The following KMT2C variants were observed in gnomAD, a reference collection of about 807,000 sequenced individuals.
KMT2C encodes lysine methyltransferase 2C, also known as histone-lysine N-methyltransferase 2C.
A neutral mutation model predicts 507.9 loss-of-function variants in KMT2C; 88 were observed. The ratio of observed to expected loss-of-function variants is 0.17; its 90% CI spans 0.15 to 0.21. The LOEUF (loss-of-function observed/expected upper bound fraction) is 0.21, where lower values mean the gene tolerates loss of function less well. KMT2C is among the 10% of genes least tolerant of loss of function. The pLI is 1.00. For synonymous variants in KMT2C, 2,049 were observed against 2,080.8 expected (o/e 0.98, Z 0.42); for missense variants, 4,954 against 5,957.8 (o/e 0.83, Z 5.55).
At chr7:152,341,677 A>AAGT (rs1344976578) in intron 2 of KMT2C, among the ~76,000 whole-genome samples, 6 of 152,200 alleles carry the variant, frequency 3.9e-5, no homozygotes. Flanking sequence ...TAATATACTA[A>AAGT]AGTTAGGGAA....
In KMT2C at chr7:152,251,927, T is replaced by C; in HGVS notation, c.1621+12A>G. The stretch of plus-strand genomic sequence containing the variant: ...AACAAAAAATTTAAAAAAAAATCAT[T>C]CTCAAATTTACCTGTAGTGAGCTCA... On this transcript the variant is annotated intron_variant, in intron 11 of 58. Coordinates refer to ENST00000262189, the MANE Select transcript of KMT2C (RefSeq NM_170606.3). 6.4e-7 allele frequency: 1 copy of C among 1,560,054 alleles called. No individual in the cohort carries two copies. Among genetic ancestry groups the C allele is most frequent in the Non-Finnish European group, 8.7e-7 (1 of 1,154,194 alleles).
rs2129097437 is a variant in KMT2C at position 152,152,717 on chromosome 7, G to A, written c.12514C>T (p.Pro4172Ser). The A allele has an allele frequency of 1.2e-6, 2 of 1,614,006 alleles. No homozygotes were observed. Among genetic ancestry groups the A allele is most frequent in the South Asian group, 1.1e-5 (1 of 91,060 alleles). Residue 4172 changes from proline (P) to serine (S), a missense_variant, in exon 49 of 59, where the codon CCA becomes TCA. Physicochemically the swap from Pro to Ser is moderately conservative, Grantham distance 74 (BLOSUM62 -1). Transcript: ENST00000262189. ...RLKQPNVPFP[P>S]TSNGLSGYKD... Reference sequence around the variant, plus strand: ...CTCACTAGCTCACCATTGCTTGTTGGAGGAAATGGTACATTAGGCTGCTTC... The same window carrying A: ...CTCACTAGCTCACCATTGCTTGTTGAAGGAAATGGTACATTAGGCTGCTTC...
At chr7:152,207,189 A>G in intron 24 of KMT2C, 111 bp downstream of exon 24, 1 of 1,050,676 alleles carries the variant, frequency 9.5e-7, no homozygotes, top group Middle Eastern at 2.4e-4. Context: ...ATTTTTGTTT[A>G]GACAGTTCTG....
rs2090985295 is a variant in KMT2C at position 152,145,250 on chromosome 7, G to C, written c.14077C>G (p.Arg4693Gly). Residue 4693 changes from arginine to glycine, a missense_variant, in exon 54 of 59, where the codon CGA (arginine) becomes GGA (glycine). Physicochemically the swap from Arg to Gly is moderately radical, Grantham distance 125. Coordinates refer to ENST00000262189, the MANE Select transcript of KMT2C (RefSeq NM_170606.3). ...AGAGGAAGTTCCATGAGAGGATTTC[G>C]GCCGTATCGGAAGGTATAATTTTCA... ...ACENYTFRYGRNPLMELPLAV... is the reference protein window; with the variant it reads ...ACENYTFRYGGNPLMELPLAV... 1 of 1,614,134 alleles carries C rather than the reference G, an allele frequency of 6.2e-7. No homozygotes were observed. Among genetic ancestry groups the C allele is most frequent in the Non-Finnish European group, 8.5e-7 (1 of 1,180,008 alleles).
At chr7:152,327,301 G>A (rs2096837884) in intron 3 of KMT2C, among the ~76,000 whole-genome samples, 5 of 152,132 alleles carry the variant, frequency 3.3e-5, no homozygotes, top group Admixed American at 3.3e-4. Context: ...CTCTGTACAA[G>A]TATTAGATGA....
intron 3 of KMT2C, among the ~76,000 whole-genome samples, chr7:152,318,251 A>G (rs2096739887): frequency 1.3e-5 from 2 of 152,176 alleles, no homozygotes; most frequent in Admixed American, 1.3e-4. Context: ...ACCACCAATT[A>G]AAAGGCAAAA....
rs1491223478 is a variant in KMT2C at position 152,331,667 on chromosome 7, T to TG, written c.251-929dup. ...ATTTTTTTTTTTTTTTTTTTTTTTT[T>TG]GATGGAGTCTCGCTCTGTCCACCCA... On this transcript the variant is annotated intron_variant, in intron 2 of 58. Transcript: ENST00000262189. Among the ~76,000 whole-genome samples, 5 of 130,318 alleles carry TG rather than the reference T, an allele frequency of 3.8e-5. No individual in the cohort carries two copies. In the East Asian group the frequency reaches 8.2e-4, roughly 21 times the overall value. 85.5% of individuals were successfully genotyped at this position (130,318 alleles called of 152,430 possible). A position where few individuals can be genotyped will look rare whatever the true frequency, so the allele number is the denominator to read the frequency against.
At chr7:152,428,653 TAAA>T (rs1192886199) in intron 1 of KMT2C, among the ~76,000 whole-genome samples, 2 of 151,330 alleles carry the variant, frequency 1.3e-5, no homozygotes, top group Non-Finnish European at 2.9e-5. Flanking sequence ...AAAAAAATCA[TAAA>T]AATCCAAATT....
chr7:152,430,717 G>C (rs1249215124), intron 1 of KMT2C, among the ~76,000 whole-genome samples: 1 of 152,110 alleles, frequency 6.6e-6, no homozygotes, highest in African/African-American at 2.4e-5. Context: ...TAGAGACAAG[G>C]CCTCACTTTG....
intron 29 of KMT2C, 64 bp downstream of exon 29, chr7:152,194,376 A>C (rs751486774): frequency 7.2e-5 from 110 of 1,524,360 alleles, no homozygotes; most frequent in Admixed American, 1.9e-4. Flanking sequence ...ACCATGCAAA[A>C]ATCTTTAAAA....
intron 1 of KMT2C, among the ~76,000 whole-genome samples, chr7:152,401,822 G>A (rs1462680407): frequency 2.0e-5 from 3 of 152,308 alleles, no homozygotes; most frequent in African/African-American, 4.8e-5. Context: ...GTAAAAAGAA[G>A]AGTTGCAGCC....
chr7:152,163,668 G>A lies in KMT2C; in HGVS notation c.9909C>T (p.Thr3303=). The A allele has an allele frequency of 6.2e-7, 1 of 1,613,810 alleles. No homozygotes were observed. Among genetic ancestry groups the A allele is most frequent in the Admixed American group, 1.7e-5 (1 of 60,008 alleles). ...GATPPTMSQP[T]FPMVPQQLQH... ...GAAGCTGCTGTGGCACCATGGGAAAGGTGGGTTGGCTCATGGTGGGTGGAG... is the reference window on the plus strand; with the variant it reads ...GAAGCTGCTGTGGCACCATGGGAAAAGTGGGTTGGCTCATGGTGGGTGGAG... Residue 3303 remains threonine, a synonymous_variant, in exon 43 of 59, where the codon ACC becomes ACT. Transcript: ENST00000262189.
rs752636504 is a variant in KMT2C, at chr7:152,148,999, G to A, written c.12928C>T (p.Pro4310Ser). 2.6e-6 allele frequency: 4 copies of A among 1,566,686 alleles called. No individual in the cohort carries two copies. Among genetic ancestry groups the A allele is most frequent in the Admixed American group, 3.7e-5 (2 of 54,170 alleles). The change falls in exon 52 of 59, where the codon CCT becomes TCT. Residue 4310 changes from proline (P) to serine (S), a missense_variant. Around this residue, in one of 29 missense-constraint regions of KMT2C, gnomAD observed 417 missense variants for 461.1 expected, o/e 0.90. Transcript: ENST00000262189. The surrounding 1 kb of genome is among the most constrained non-coding windows in gnomAD (Gnocchi z 7.1). ...SPPASPPIAF[P>S]PAFEAAQVEA... ...ACTTGGGCTGCTTCAAAAGCAGGAG[G>A]GAAGGCGATGGGTGGTGAGGCAGGG... is the stretch of plus-strand genomic sequence containing the variant.
intron 14 of KMT2C, among the ~76,000 whole-genome samples, chr7:152,244,572 A>G (rs2095439331): frequency 6.6e-6 from 1 of 152,250 alleles, no homozygotes; most frequent in Non-Finnish European, 1.5e-5. Context: ...TAAATTATTT[A>G]TGAATAGATA....
chr7:152,420,383 T>C (rs146220030), intron 1 of KMT2C, among the ~76,000 whole-genome samples: 121 of 152,352 alleles, frequency 7.9e-4, no homozygotes, highest in African/African-American at 2.7e-3. Context: ...TATATTCTGA[T>C]ATACACATTA....
Position 152,182,368 on chromosome 7 carries a change from G to C in KMT2C, c.5492C>G (p.Thr1831Arg). Residue 1831 changes from threonine (T) to arginine (R), a missense_variant, in exon 36 of 59, where the codon ACA becomes AGA. Coordinates refer to ENST00000262189, the MANE Select transcript of KMT2C (RefSeq NM_170606.3). ...CGTAGGGGTACTGGGTGGCTGTTTT[G>C]TAAACAGTTCTTTATGGAATGACTG... Reference protein sequence around the residue: ...PAQSFHKELFTKQPPSTPTST... With the variant: ...PAQSFHKELFRKQPPSTPTST... 6.2e-7 allele frequency: 1 copy of C among 1,613,328 alleles called. No individual in the cohort carries two copies. Among genetic ancestry groups the C allele is most frequent in the Non-Finnish European group, 8.5e-7 (1 of 1,179,636 alleles).
chr7:152,239,288 C>T (rs1379618139), intron 14 of KMT2C, among the ~76,000 whole-genome samples: 1 of 152,072 alleles, frequency 6.6e-6, no homozygotes, highest in Non-Finnish European at 1.5e-5. Context: ...ACAACCAAAA[C>T]CAGTAGGCCA....
chr7:152,415,077 C>T (rs1251485170), intron 1 of KMT2C, among the ~76,000 whole-genome samples: 2 of 151,956 alleles, frequency 1.3e-5, no homozygotes, highest in Non-Finnish European at 2.9e-5. Flanking sequence ...AAATCCTGAG[C>T]TCAAGCTATC....
At chr7:152,301,173 A>G (rs1249774102) in intron 6 of KMT2C, among the ~76,000 whole-genome samples, 1 of 149,976 alleles carries the variant, frequency 6.7e-6, no homozygotes, top group East Asian at 2.0e-4. Context: ...ACCAACCTGG[A>G]AAACAGAGCA....
Sources: gnomAD v4.1 joint callset for allele counts (sites outside exome capture counted in the v4.1 genomes callset) on GRCh38, gnomAD v4.1.1 for gene constraint, gnomAD v4.1.1 regional missense constraint, Gnocchi (gnomAD v3.1) non-coding constraint, MANE v1.5 for transcripts, NCBI Gene and HGNC (gene_info 2026-07-23, HGNC 2026-07-21) for gene names.